Variants in CRTC3 observed in about 807,000 individuals in gnomAD.
CRTC3 encodes the protein CREB regulated transcription coactivator 3, also known as CREB-regulated transcription coactivator 3.
CRTC3 carries 26 observed loss-of-function variants against 74.5 expected under a neutral mutation model. The observed-to-expected ratio is 0.35, with a 90% CI of 0.26 to 0.48. The LOEUF (loss-of-function observed/expected upper bound fraction) is 0.48. Among genes scored for constraint, CRTC3 ranks in the 20% least tolerant of loss-of-function variants. CRTC3 has a pLI of 0.99. For missense variants in CRTC3, 760 were observed against 787.3 expected, an observed-to-expected ratio of 0.97 and a Z score of 0.41; for synonymous variants, 377 against 325.8, an observed-to-expected ratio of 1.16 and a Z score of -1.69.
chr15:90,555,780 A>C (rs189559146), intron 2 of CRTC3, among the ~76,000 whole-genome samples: 250 of 152,310 alleles, frequency 1.6e-3, no homozygotes, highest in African/African-American at 4.5e-3. Context: ...GCCTCCCCAA[A>C]GTGCTGGGAT....
chr15:90,532,801 G>A (rs1966648460), intron 1 of CRTC3, among the ~76,000 whole-genome samples: 1 of 152,164 alleles, frequency 6.6e-6, no homozygotes, highest in South Asian at 2.1e-4. Context: ...AGGGAGGAAA[G>A]TGGGGTCGGG....
chr15:90,598,810 C>A, intron 3 of CRTC3: 2 of 323,320 alleles, frequency 6.2e-6, no homozygotes, highest in Non-Finnish European at 5.8e-6. Context: ...ACAGTGGGGC[C>A]GAGGGAAGGA....
intron 11 of CRTC3, among the ~76,000 whole-genome samples, chr15:90,637,254 G>A (rs2151097117): frequency 6.6e-6 from 1 of 152,296 alleles, no homozygotes; most frequent in South Asian, 2.1e-4. Context: ...GTCCTTTGTA[G>A]GGACATGGAT....
rs1170678951 is a variant in CRTC3, at chr15:90,615,092, T to TAAATAAATAAATA, written c.613+606_613+607insATAAATAAATAAA. Among the ~76,000 whole-genome samples, 576 of 152,028 alleles carry TAAATAAATAAATA rather than the reference T, an allele frequency of 3.8e-3. 3 individuals carry two copies. Among genetic ancestry groups the TAAATAAATAAATA allele is most frequent in the African/African-American group, 0.013 (556 of 41,424 alleles). The stretch of plus-strand genomic sequence containing the variant: ...TAAATAAATAAATAAATAAATAAAT[T>TAAATAAATAAATA]AATTAATTGATCACTTAAACAATTA... On this transcript the variant is annotated intron_variant, in intron 7 of 14. Coordinates refer to ENST00000268184, the MANE Select transcript of CRTC3 (RefSeq NM_022769.5).
intron 10 of CRTC3, among the ~76,000 whole-genome samples, chr15:90,626,685 C>T (rs533497194): frequency 6.6e-6 from 1 of 150,846 alleles, no homozygotes; most frequent in East Asian, 1.9e-4. Flanking sequence ...GATCTCAGCT[C>T]GCTGCAACCT....
intron 1 of CRTC3, among the ~76,000 whole-genome samples, chr15:90,533,064 G>A (rs1433582860): frequency 3.3e-4 from 34 of 102,010 alleles, no homozygotes; most frequent in African/African-American, 6.7e-4. Flanking sequence ...CAGCCTGGGC[G>A]ACAGAGCAAG....
intron 13 of CRTC3, among the ~76,000 whole-genome samples, chr15:90,640,630 C>T (rs550211644): frequency 4.0e-5 from 6 of 151,824 alleles, no homozygotes; most frequent in African/African-American, 1.5e-4. Context: ...TTCAGTGAGC[C>T]GAGATGGCGC....
intron 13 of CRTC3, among the ~76,000 whole-genome samples, chr15:90,639,140 G>C (rs1158159053): frequency 6.6e-6 from 1 of 152,150 alleles, no homozygotes; most frequent in African/African-American, 2.4e-5. Context: ...TTGAAACTGA[G>C]GCATAGGGAG....
At chr15:90,564,367 G>T (rs1200481854) in intron 2 of CRTC3, among the ~76,000 whole-genome samples, 1 of 152,084 alleles carries the variant, frequency 6.6e-6, no homozygotes, top group African/African-American at 2.4e-5. Context: ...CATCATTAGG[G>T]TTGGTAGTAG....
intron 2 of CRTC3, among the ~76,000 whole-genome samples, chr15:90,590,945 A>T (rs766115752): frequency 5.3e-5 from 8 of 151,998 alleles, no homozygotes; most frequent in Non-Finnish European, 1.0e-4. Context: ...AATCGAAAAT[A>T]AGAGCTTTTG....
intron 2 of CRTC3, among the ~76,000 whole-genome samples, chr15:90,571,483 G>A (rs1448517339): frequency 1.3e-5 from 2 of 152,212 alleles, no homozygotes; most frequent in Non-Finnish European, 2.9e-5. Flanking sequence ...GAAGGGAGTG[G>A]TGAGAGATGA....
chr15:90,588,049 A>G (rs1418136961), intron 2 of CRTC3, among the ~76,000 whole-genome samples: 7 of 151,842 alleles, frequency 4.6e-5, no homozygotes, highest in Non-Finnish European at 1.0e-4. Flanking sequence ...GGAGATCGAG[A>G]TCAGCCTGGG....
chr15:90,602,332 T>A lies in CRTC3; in HGVS notation c.360T>A (p.Gly120=), dbSNP rs1220140682. 1 of 1,581,870 alleles carries A rather than the reference T, an allele frequency of 6.3e-7. No individual in the cohort carries two copies. Among genetic ancestry groups the A allele is most frequent in the Non-Finnish European group, 8.7e-7 (1 of 1,151,750 alleles). ...TTTATTAAAAATTCTACTTTGATGGTAGTGCTTTTGGAGCCAATTATTCCT... is the reference window on the plus strand; with the variant it reads ...TTTATTAAAAATTCTACTTTGATGGAAGTGCTTTTGGAGCCAATTATTCCT... The part of the protein sequence containing the change: ...SGDKPGRQFD[G]SAFGANYSSQ... The change falls in exon 4 of 15, where the codon GGT becomes GGA. Residue 120 remains glycine, a synonymous_variant. Transcript: ENST00000268184.
At chr15:90,629,636 C>A in intron 11 of CRTC3, 104 bp downstream of exon 11, 1 of 1,173,266 alleles carries the variant, frequency 8.5e-7, no homozygotes, top group Non-Finnish European at 1.2e-6. Flanking sequence ...ATTATTACAC[C>A]AAGCACCCAT....
intron 11 of CRTC3, among the ~76,000 whole-genome samples, chr15:90,637,109 G>A (rs1168090112): frequency 1.3e-5 from 2 of 152,234 alleles, no homozygotes; most frequent in Non-Finnish European, 2.9e-5. Flanking sequence ...GCACACATAT[G>A]TTTATTGCAG....
chr15:90,607,355 A>C, intron 5 of CRTC3, 23 bp from the exon 6 acceptor site: 3 of 1,453,708 alleles, frequency 2.1e-6, no homozygotes, highest in Non-Finnish European at 2.9e-6. Context: ...ATTTTCAGCC[A>C]GCCTCTCTCC....
intron 2 of CRTC3, among the ~76,000 whole-genome samples, chr15:90,584,122 AG>A (rs1385000598): frequency 6.6e-6 from 1 of 151,924 alleles, no homozygotes; most frequent in Non-Finnish European, 1.5e-5. Context: ...TTTTTAAAAG[AG>A]GGGGGCTATA....
intron 3 of CRTC3, among the ~76,000 whole-genome samples, chr15:90,596,954 A>C (rs77180688): frequency 0.021 from 3,245 of 152,380 alleles, 106 homozygotes; most frequent in African/African-American, 0.071. Context: ...GGGTGATCTC[A>C]AATAAAACGA....
chr15:90,593,753 C>A lies in CRTC3; in HGVS notation c.349C>A (p.Gln117Lys). ...HRRSGDKPGR[Q>K]FDGSAFGANY... is the part of the protein sequence containing the mutation. ...AAGGTCTGGGGACAAGCCAGGGCGA[C>A]AAATATCCTTTTTTACTCTTCAAAG... is the stretch of plus-strand genomic sequence containing the variant. The change falls in exon 3 of 15, where the codon CAA becomes AAA. Residue 117 changes from glutamine to lysine, a missense_variant and splice_region_variant. This residue lies in a region of CRTC3 where 652 missense variants were observed against 635.2 expected (regional missense o/e 1.03). Coordinates refer to ENST00000268184, the MANE Select transcript of CRTC3 (RefSeq NM_022769.5). The A allele has an allele frequency of 6.3e-7, 1 of 1,599,132 alleles. No individual in the cohort carries two copies. The highest frequency in any genetic ancestry group is 1.1e-5 in the South Asian group (1 of 90,246).
Sources: allele counts gnomAD v4.1 joint callset (sites outside exome capture counted in the v4.1 genomes callset), GRCh38; gene constraint gnomAD v4.1.1; regional missense constraint gnomAD v4.1.1; transcripts MANE v1.5; gene names NCBI Gene and HGNC (gene_info 2026-07-23, HGNC 2026-07-21).